Variants in PTPRT observed in about 807,000 individuals in gnomAD.
PTPRT encodes the protein protein tyrosine phosphatase receptor type T.
Under a neutral mutation model 176.8 loss-of-function variants are expected in PTPRT, and 56 were observed. The observed-to-expected ratio is 0.32, with a 90% CI of 0.26 to 0.40. PTPRT has a LOEUF of 0.40. Among genes scored for constraint, PTPRT ranks in the 10% least tolerant of loss-of-function variants. The probability of loss-of-function intolerance (pLI) is 1.00; values close to 1 mark genes in which losing one functional copy is unlikely to be tolerated. For missense variants in PTPRT, 1,540 were observed against 1,908.2 expected, an observed-to-expected ratio of 0.81 and a Z score of 3.60; for synonymous variants, 783 against 739.0, an observed-to-expected ratio of 1.06 and a Z score of -0.96.
intron 9 of PTPRT, among the ~76,000 whole-genome samples, chr20:42,360,170 A>C (rs55770535): frequency 0.089 from 13,506 of 152,220 alleles, 675 homozygotes; most frequent in East Asian, 0.14. Flanking sequence ...CCTACCATGC[A>C]TATGGCTCTC....
intron 19 of PTPRT, among the ~76,000 whole-genome samples, chr20:42,125,435 T>C (rs982360961): frequency 6.6e-6 from 1 of 152,198 alleles, no homozygotes; most frequent in Non-Finnish European, 1.5e-5. Context: ...CCCTGGATTC[T>C]AACCACTGAG....
chr20:43,107,514 T>C (rs1167669222), intron 1 of PTPRT, among the ~76,000 whole-genome samples: 1 of 152,210 alleles, frequency 6.6e-6, no homozygotes, highest in African/African-American at 2.4e-5. Context: ...TTAGACTAAG[T>C]GGTGTAACCG....
intron 9 of PTPRT, among the ~76,000 whole-genome samples, chr20:42,425,243 A>T (rs141639168): frequency 1.3e-5 from 2 of 152,172 alleles, no homozygotes; most frequent in Non-Finnish European, 2.9e-5. Flanking sequence ...CTATAACGCA[A>T]TGCAGTCATT....
chr20:42,973,933 C>T (rs1982799119), intron 1 of PTPRT, among the ~76,000 whole-genome samples: 1 of 152,140 alleles, frequency 6.6e-6, no homozygotes, highest in Non-Finnish European at 1.5e-5. Flanking sequence ...AGATGCTAAT[C>T]AGGACGGTGA....
At chr20:42,780,879 G>A (rs1321664179) in intron 3 of PTPRT, among the ~76,000 whole-genome samples, 6 of 152,136 alleles carry the variant, frequency 3.9e-5, no homozygotes, top group African/African-American at 7.2e-5. Flanking sequence ...TAAAAATTTT[G>A]TAATGCATTT....
intron 5 of PTPRT, among the ~76,000 whole-genome samples, chr20:42,757,884 G>T (rs1484056498): frequency 6.6e-6 from 1 of 152,208 alleles, no homozygotes; most frequent in African/African-American, 2.4e-5. Flanking sequence ...GTTTATTAAT[G>T]TTATTAACTG....
intron 7 of PTPRT, among the ~76,000 whole-genome samples, chr20:42,612,897 T>C (rs1213081576): frequency 6.6e-6 from 1 of 151,942 alleles, no homozygotes; most frequent in Non-Finnish European, 1.5e-5. Context: ...GGTTAGGATA[T>C]GTTAACTAAA....
intron 1 of PTPRT, among the ~76,000 whole-genome samples, chr20:43,178,545 A>T (rs2146475991): frequency 6.6e-6 from 1 of 152,350 alleles, no homozygotes; most frequent in East Asian, 1.9e-4. Flanking sequence ...ACAAAGAAAA[A>T]TGTAACAGTC....
At chr20:42,121,856 A>G (rs1302149533) in intron 19 of PTPRT, among the ~76,000 whole-genome samples, 1 of 152,064 alleles carries the variant, frequency 6.6e-6, no homozygotes. Context: ...TGACTTTTGC[A>G]GCAACATGGA....
chr20:42,060,783 C>T, the PTPRT span, among the ~76,000 whole-genome samples: 9 of 152,318 alleles, frequency 5.9e-5, no homozygotes, highest in South Asian at 1.9e-3. Flanking sequence ...GAGACGAATA[C>T]ACTCTGTAAC....
chr20:42,363,123 A>G (rs2058453584), intron 9 of PTPRT, among the ~76,000 whole-genome samples: 1 of 147,236 alleles, frequency 6.8e-6, no homozygotes, highest in Non-Finnish European at 1.5e-5. Flanking sequence ...AAAAAAAAAA[A>G]AAAGAACTAA....
chr20:42,054,662 C>A, the PTPRT span, among the ~76,000 whole-genome samples: 1 of 152,172 alleles, frequency 6.6e-6, no homozygotes, highest in East Asian at 1.9e-4. Flanking sequence ...TCCATCACCT[C>A]TTCCCTACCT....
chr20:42,645,041 CTG>C lies in PTPRT; in HGVS notation c.1153+32823_1153+32824del, dbSNP rs1236091746. On this transcript the variant is annotated intron_variant, in intron 7 of 30. Transcript: ENST00000373187. ...ATTTTCTCACCCCAAGTTAGTAAGT[CTG>C]TAACTTCTCCTTCACAGTGCAATTT... is the stretch of plus-strand genomic sequence containing the variant. Among the ~76,000 whole-genome samples, 3 of 152,168 alleles carry C rather than the reference CTG, an allele frequency of 2.0e-5. No homozygotes were observed. The South Asian group carries it at 6.2e-4, about 32-fold the overall frequency.
intron 1 of PTPRT, among the ~76,000 whole-genome samples, chr20:43,022,503 C>G (rs1251564734): frequency 2.0e-5 from 3 of 152,120 alleles, no homozygotes; most frequent in East Asian, 1.9e-4. Context: ...TAACTGAGGT[C>G]CAAAGATCAT....
At chr20:42,732,090 C>T (rs1441988525) in intron 6 of PTPRT, among the ~76,000 whole-genome samples, 2 of 152,190 alleles carry the variant, frequency 1.3e-5, no homozygotes, top group East Asian at 3.9e-4. Flanking sequence ...CCATCTCTCC[C>T]TGTAGAATAG....
chr20:42,914,845 T>C (rs1173934363), intron 1 of PTPRT, among the ~76,000 whole-genome samples: 1 of 151,952 alleles, frequency 6.6e-6, no homozygotes, highest in Admixed American at 6.6e-5. Flanking sequence ...CTTATTATGT[T>C]ATTCTGTAAA....
intron 6 of PTPRT, among the ~76,000 whole-genome samples, chr20:42,744,973 C>A (rs2076671117): frequency 6.6e-6 from 1 of 152,210 alleles, no homozygotes; most frequent in South Asian, 2.1e-4. Context: ...AAGGGAGGCA[C>A]ATGTGCTTGG....
chr20:42,883,432 G>C (rs1380255895), intron 2 of PTPRT, among the ~76,000 whole-genome samples: 1 of 152,024 alleles, frequency 6.6e-6, no homozygotes, highest in East Asian at 1.9e-4. Context: ...CCCGGTTTCT[G>C]AATCAGTACC....
intron 2 of PTPRT, among the ~76,000 whole-genome samples, chr20:42,808,090 C>G (rs2077639287): frequency 6.6e-6 from 1 of 152,168 alleles, no homozygotes; most frequent in Non-Finnish European, 1.5e-5. Flanking sequence ...GGTTGAAAGC[C>G]TCAGCCAGTC....
Sources: gnomAD v4.1 joint callset for allele counts (sites outside exome capture counted in the v4.1 genomes callset) on GRCh38, gnomAD v4.1.1 for gene constraint, MANE v1.5 for transcripts, NCBI Gene and HGNC (gene_info 2026-07-23, HGNC 2026-07-21) for gene names.